Variants in NETO1 observed in about 807,000 individuals in gnomAD.
NETO1 encodes neuropilin and tolloid-like protein 1.
NETO1 carries 26 observed loss-of-function variants against 61.3 expected under a neutral mutation model. That is an observed-to-expected ratio of 0.42 (90% CI 0.31 to 0.59). The LOEUF is 0.59. Ranked by LOEUF, NETO1 falls within the 20% of genes least tolerant of loss-of-function variation. The probability of loss-of-function intolerance (pLI) is 0.12; values close to 1 mark genes in which losing one functional copy is unlikely to be tolerated. For synonymous variants in NETO1, 225 were observed against 225.8 expected (o/e 1.00, Z 0.03); for missense variants, 531 against 662.8 (o/e 0.80, Z 2.18).
chr18:72,800,913 C>T (rs2072484505), intron 4 of NETO1, among the ~76,000 whole-genome samples: 1 of 152,202 alleles, frequency 6.6e-6, no homozygotes, highest in Admixed American at 6.5e-5. Flanking sequence ...CAGGTTCTCA[C>T]AGTAAATGTA....
At chr18:72,757,882 T>C (rs1260643966) in intron 7 of NETO1, among the ~76,000 whole-genome samples, 1 of 152,202 alleles carries the variant, frequency 6.6e-6, no homozygotes, top group Non-Finnish European at 1.5e-5. Context: ...AAGTTTATAT[T>C]AGAATGGTTG....
chr18:72,782,053 T>C (rs188081017), intron 7 of NETO1, among the ~76,000 whole-genome samples: 67 of 152,264 alleles, frequency 4.4e-4, no homozygotes, highest in Middle Eastern at 3.4e-3. Context: ...TTTCTGTCCA[T>C]ATGGACTCAG....
rs147460592 is a variant in NETO1 at position 72,764,555 on chromosome 18, C to T, written c.869-8408G>A. On this transcript the variant is annotated intron_variant, in intron 7 of 10. Coordinates refer to ENST00000327305, the MANE Select transcript of NETO1 (RefSeq NM_138966.5). ...CCCTTATTTCCTCTGTCCTCTCTCT[C>T]GGCAATTTTCATCAGACACAGAGCC... 3.0e-3 allele frequency among the ~76,000 whole-genome samples: 464 copies of T among 152,184 alleles called. 1 individual carries two copies. Among genetic ancestry groups the T allele is most frequent in the Middle Eastern group, 0.01 (3 of 294 alleles).
intron 4 of NETO1, among the ~76,000 whole-genome samples, chr18:72,816,065 C>T (rs897301521): frequency 3.0e-4 from 46 of 152,178 alleles, no homozygotes; most frequent in African/African-American, 1.0e-3. Flanking sequence ...CTCTCTCTCT[C>T]TCTCTCCCTC....
intron 4 of NETO1, among the ~76,000 whole-genome samples, chr18:72,839,158 G>C (rs1039673510): frequency 6.6e-6 from 1 of 152,140 alleles, no homozygotes; most frequent in African/African-American, 2.4e-5. Flanking sequence ...CTGTTGTTAA[G>C]AACTGGGTAT....
chr18:72,769,031 G>A (rs112656888), intron 7 of NETO1, among the ~76,000 whole-genome samples: 64 of 152,298 alleles, frequency 4.2e-4, no homozygotes, highest in African/African-American at 1.4e-3. Flanking sequence ...TGTACAGCGC[G>A]GCAAGCAGGG....
At chr18:72,819,519 C>T (rs527288214) in intron 4 of NETO1, among the ~76,000 whole-genome samples, 1 of 152,140 alleles carries the variant, frequency 6.6e-6, no homozygotes, top group South Asian at 2.1e-4. Flanking sequence ...TAAGCTTTGC[C>T]CTAGTCATCA....
intron 4 of NETO1, among the ~76,000 whole-genome samples, chr18:72,807,148 C>A (rs2072700548): frequency 6.6e-6 from 1 of 152,140 alleles, no homozygotes; most frequent in South Asian, 2.1e-4. Context: ...ATTCATATCA[C>A]CATGTTTTAA....
At chr18:72,826,113 C>T (rs1257372911) in intron 4 of NETO1, among the ~76,000 whole-genome samples, 1 of 152,092 alleles carries the variant, frequency 6.6e-6, no homozygotes, top group African/African-American at 2.4e-5. Flanking sequence ...AAGTGTTCCA[C>T]AATTATCGTG....
intron 7 of NETO1, among the ~76,000 whole-genome samples, chr18:72,770,622 C>T (rs2071323221): frequency 1.3e-5 from 2 of 152,092 alleles, no homozygotes; most frequent in African/African-American, 4.8e-5. Flanking sequence ...TCAATCATGG[C>T]AATTCACAAG....
chr18:72,854,553 G>C (rs1439610510), intron 4 of NETO1, among the ~76,000 whole-genome samples: 1 of 152,144 alleles, frequency 6.6e-6, no homozygotes, highest in African/African-American at 2.4e-5. Flanking sequence ...GAATGATCTG[G>C]GTCATGCCAG....
chr18:72,853,369 C>A (rs1170015318), intron 4 of NETO1: 2 of 152,604 alleles, frequency 1.3e-5, no homozygotes, highest in African/African-American at 4.8e-5. Context: ...GATGGCAAAT[C>A]CGCAAGTACT....
intron 7 of NETO1, among the ~76,000 whole-genome samples, chr18:72,772,943 G>A (rs1051296711): frequency 6.8e-6 from 1 of 146,788 alleles, no homozygotes; most frequent in Non-Finnish European, 1.5e-5. Flanking sequence ...GTCTCTTCCT[G>A]TCCAAGTTCA....
Position 72,745,971 on chromosome 18 carries a change from C to A in NETO1, c.*2208G>T, listed in dbSNP as rs773721491. On this transcript the variant is annotated 3_prime_UTR_variant, in exon 11 of 11. Coordinates refer to ENST00000327305, the MANE Select transcript of NETO1 (RefSeq NM_138966.5). ...CTGCTGTGTGTTAAATATATGTGAG[C>A]TATTCATTCTTATTATTATACTTCA... 1.3e-5 allele frequency: 2 copies of A among 152,058 alleles called. No homozygotes were observed. Among genetic ancestry groups the A allele is most frequent in the Non-Finnish European group, 2.9e-5 (2 of 68,012 alleles). 9.4% of individuals were successfully genotyped at this position (152,058 alleles called of 1,614,324 possible).
intron 4 of NETO1, chr18:72,835,466 C>A: frequency 4.3e-6 from 2 of 463,726 alleles, no homozygotes; most frequent in South Asian, 3.8e-5. Context: ...CCTGTTTATT[C>A]TATTCTAGTA....
intron 7 of NETO1, among the ~76,000 whole-genome samples, chr18:72,779,894 GT>G (rs1304326631): frequency 1.3e-5 from 2 of 152,144 alleles, no homozygotes; most frequent in African/African-American, 4.8e-5. Context: ...GGCAGATTTG[GT>G]GTCTGTTTAG....
At chr18:72,764,413 T>C (rs2071083832) in intron 7 of NETO1, among the ~76,000 whole-genome samples, 1 of 152,132 alleles carries the variant, frequency 6.6e-6, no homozygotes, top group Non-Finnish European at 1.5e-5. Flanking sequence ...TTACTTTTAT[T>C]TATTACTAAT....
intron 4 of NETO1, among the ~76,000 whole-genome samples, chr18:72,827,399 G>A (rs1006943734): frequency 1.3e-4 from 20 of 152,104 alleles, no homozygotes; most frequent in Non-Finnish European, 2.8e-4. Context: ...GCCATACGTG[G>A]AGCCCCTCCA....
At chr18:72,755,907 A>C (rs1409447325) in intron 8 of NETO1, 127 bp downstream of exon 8, 2 of 544,240 alleles carry the variant, frequency 3.7e-6, no homozygotes, top group Non-Finnish European at 6.8e-6. Flanking sequence ...CAATTATAAG[A>C]CATATGCGGT....
Sources: allele counts gnomAD v4.1 joint callset (sites outside exome capture counted in the v4.1 genomes callset), GRCh38; gene constraint gnomAD v4.1.1; transcripts MANE v1.5; gene names NCBI Gene and HGNC (gene_info 2026-07-23, HGNC 2026-07-21).